SMOC1: variants seen among roughly 807,000 people sequenced by gnomAD.
SMOC1 encodes SPARC-related modular calcium-binding protein 1.
SMOC1 carries 22 observed loss-of-function variants against 56.3 expected under a neutral mutation model. The observed-to-expected ratio is 0.39, with a 90% CI of 0.28 to 0.56. The LOEUF (loss-of-function observed/expected upper bound fraction) is 0.56, where lower values mean the gene tolerates loss of function less well. Among genes scored for constraint, SMOC1 ranks in the 20% least tolerant of loss-of-function variants. SMOC1 has a pLI of 0.61. For missense variants in SMOC1, 509 were observed against 565.4 expected (o/e 0.90, Z 1.01); for synonymous variants, 193 against 215.0 (o/e 0.90, Z 0.89).
At chr14:69,924,910 A>G (rs1457623055) in intron 1 of SMOC1, among the ~76,000 whole-genome samples, 1 of 9,734 alleles carries the variant, frequency 1.0e-4, no homozygotes, top group Non-Finnish European at 2.2e-4. Context: ...GGGGAGGAGG[A>G]GAGGTAGGGG....
intron 1 of SMOC1, among the ~76,000 whole-genome samples, chr14:69,919,839 A>G (rs1193787174): frequency 3.3e-5 from 5 of 152,064 alleles, no homozygotes. Flanking sequence ...TGGATAACTT[A>G]TATTGGGTAA....
intron 1 of SMOC1, chr14:69,885,811 C>T: frequency 6.3e-7 from 1 of 1,598,462 alleles, no homozygotes; most frequent in Non-Finnish European, 8.6e-7. Flanking sequence ...GTCTCTGCTT[C>T]TTCTCTTGCT....
At chr14:70,029,142 G>A (rs1169696795) in intron 11 of SMOC1, among the ~76,000 whole-genome samples, 1 of 152,152 alleles carries the variant, frequency 6.6e-6, no homozygotes, top group South Asian at 2.1e-4. Flanking sequence ...GTGGCGGGGG[G>A]CAGCTCTTGA....
chr14:69,986,185 A>G (rs184758277), intron 5 of SMOC1, among the ~76,000 whole-genome samples: 2 of 152,254 alleles, frequency 1.3e-5, no homozygotes, highest in East Asian at 1.9e-4. Flanking sequence ...TTCCATTTAT[A>G]TAACAGTCTA....
chr14:70,026,189 G>A (rs1338807622), intron 11 of SMOC1, among the ~76,000 whole-genome samples: 4 of 152,174 alleles, frequency 2.6e-5, no homozygotes, highest in Non-Finnish European at 5.9e-5. Flanking sequence ...TGGTCCTTTC[G>A]CAGAGCACAG....
At chr14:69,896,288 C>T (rs1360970313) in intron 1 of SMOC1, among the ~76,000 whole-genome samples, 1 of 152,202 alleles carries the variant, frequency 6.6e-6, no homozygotes, top group Non-Finnish European at 1.5e-5. Context: ...GGCAGTGTAG[C>T]ATAGTGGCTT....
intron 1 of SMOC1, among the ~76,000 whole-genome samples, chr14:69,891,700 T>G (rs533937581): frequency 6.6e-6 from 1 of 152,308 alleles, no homozygotes; most frequent in South Asian, 2.1e-4. Flanking sequence ...CCTGTCATCC[T>G]TGCCCTCCCT....
chr14:69,986,131 G>T (rs1884356458), intron 5 of SMOC1, among the ~76,000 whole-genome samples: 1 of 152,158 alleles, frequency 6.6e-6, no homozygotes, highest in African/African-American at 2.4e-5. Context: ...AGGGCATTAT[G>T]CAACATGAAA....
At chr14:70,026,393 G>A (rs549649455) in intron 11 of SMOC1, among the ~76,000 whole-genome samples, 4 of 152,314 alleles carry the variant, frequency 2.6e-5, no homozygotes, top group Admixed American at 6.5e-5. Flanking sequence ...GATCCACCGA[G>A]CTCAGGGACT....
intron 7 of SMOC1, among the ~76,000 whole-genome samples, chr14:69,995,498 A>AC (rs1884731801): frequency 6.6e-6 from 1 of 152,266 alleles, no homozygotes; most frequent in Admixed American, 6.5e-5. Context: ...GAGACTGTGA[A>AC]CCCCCTTGGG....
chr14:70,028,335 G>A, intron 11 of SMOC1, among the ~76,000 whole-genome samples: 1 of 152,144 alleles, frequency 6.6e-6, no homozygotes, highest in East Asian at 1.9e-4. Flanking sequence ...CTGGGGCTCA[G>A]CCTTCTTCTC....
At chr14:69,958,773 CA>C (rs1479272830) in intron 3 of SMOC1, among the ~76,000 whole-genome samples, 1 of 152,010 alleles carries the variant, frequency 6.6e-6, no homozygotes, top group Non-Finnish European at 1.5e-5. Context: ...TTTGTAGTGG[CA>C]AAAAATTGGA....
intron 1 of SMOC1, among the ~76,000 whole-genome samples, chr14:69,895,750 G>A (rs61980573): frequency 0.1 from 15,853 of 151,892 alleles, 1,035 homozygotes; most frequent in African/African-American, 0.18. Context: ...GTATGGCATT[G>A]TACTTTCTTT....
At chr14:70,019,035 CT>C (rs1349540983) in intron 10 of SMOC1, among the ~76,000 whole-genome samples, 1 of 152,230 alleles carries the variant, frequency 6.6e-6, no homozygotes, top group Non-Finnish European at 1.5e-5. Flanking sequence ...AGCAGGTTTC[CT>C]TGTGGTAAAC....
chr14:69,939,103 T>G (rs143584619), intron 1 of SMOC1, among the ~76,000 whole-genome samples: 68 of 152,334 alleles, frequency 4.5e-4, no homozygotes, highest in African/African-American at 1.6e-3. Context: ...CAGGTTAGCT[T>G]CATTTCAGCC....
intron 11 of SMOC1, among the ~76,000 whole-genome samples, chr14:70,028,152 C>A (rs967897376): frequency 1.3e-5 from 2 of 152,220 alleles, no homozygotes; most frequent in Non-Finnish European, 2.9e-5. Context: ...AGACTCCTCC[C>A]TGGAGAGCTG....
At chr14:69,941,142 G>T (rs557088412) in intron 1 of SMOC1, among the ~76,000 whole-genome samples, 1 of 151,990 alleles carries the variant, frequency 6.6e-6, no homozygotes, top group Non-Finnish European at 1.5e-5. Flanking sequence ...CTGGCATCCC[G>T]CCCTGCCCTA....
intron 7 of SMOC1, among the ~76,000 whole-genome samples, chr14:69,995,608 A>G (rs1884735036): frequency 6.6e-6 from 1 of 152,228 alleles, no homozygotes; most frequent in Admixed American, 6.5e-5. Flanking sequence ...ACCCCAGTCA[A>G]GTCACATAAT....
chr14:69,998,442 T>A (rs987224122), intron 7 of SMOC1, among the ~76,000 whole-genome samples: 2 of 151,990 alleles, frequency 1.3e-5, no homozygotes, highest in African/African-American at 2.4e-5. Context: ...TTTTTTTTTT[T>A]AAATCAGGGG....
Sources: allele counts gnomAD v4.1 joint callset (sites outside exome capture counted in the v4.1 genomes callset), GRCh38; gene constraint gnomAD v4.1.1; transcripts MANE v1.5; gene names NCBI Gene and HGNC (gene_info 2026-07-23, HGNC 2026-07-21).